PDE4D: variants seen among roughly 807,000 people sequenced by gnomAD.
The protein encoded by PDE4D is 3',5'-cyclic-AMP phosphodiesterase 4D.
In PDE4D, 24 loss-of-function variants were observed where a neutral mutation model predicts 87.4. That is an observed-to-expected ratio of 0.27 (90% CI 0.20 to 0.39). The LOEUF is 0.39. Ranked by LOEUF, PDE4D falls within the 10% of genes least tolerant of loss-of-function variation. PDE4D has a pLI of 1.00. For synonymous variants in PDE4D, 384 were observed against 383.2 expected (o/e 1.00, Z -0.02); for missense variants, 714 against 1,041.0 (o/e 0.69, Z 4.32).
At chr5:59,179,227 T>G (rs1740898008) in intron 5 of PDE4D, among the ~76,000 whole-genome samples, 1 of 152,064 alleles carries the variant, frequency 6.6e-6, no homozygotes, top group African/African-American at 2.4e-5. Flanking sequence ...CTGCCTCAGA[T>G]TCCCGAGTAG....
chr5:60,378,986 G>GC (rs1761649981), intron 1 of PDE4D, among the ~76,000 whole-genome samples: 1 of 152,134 alleles, frequency 6.6e-6, no homozygotes, highest in South Asian at 2.1e-4. Context: ...ATTTGACTGA[G>GC]CATTTACTCC....
chr5:59,121,797 G>C (rs1774545746), intron 5 of PDE4D, among the ~76,000 whole-genome samples: 1 of 152,132 alleles, frequency 6.6e-6, no homozygotes, highest in African/African-American at 2.4e-5. Context: ...ATACAGAATA[G>C]CAAAGATGGA....
chr5:59,618,134 T>C (rs1211781119), intron 1 of PDE4D, among the ~76,000 whole-genome samples: 1 of 152,054 alleles, frequency 6.6e-6, no homozygotes, highest in Non-Finnish European at 1.5e-5. Context: ...TAAAGGAACA[T>C]AAAGTTGGGT....
chr5:59,451,910 T>C (rs908023652), intron 1 of PDE4D, among the ~76,000 whole-genome samples: 3 of 152,224 alleles, frequency 2.0e-5, no homozygotes, highest in African/African-American at 7.2e-5. Context: ...CACATTCCAG[T>C]TGTCTACATC....
rs184664285 is a variant in PDE4D, at chr5:59,727,182, C to T, written c.455+165986G>A. On this transcript the variant is annotated intron_variant, in intron 1 of 14. Coordinates refer to ENST00000340635, the MANE Select transcript of PDE4D (RefSeq NM_001104631.2). ...CAACAATAGCCTCCTGACATTTTTA[C>T]TTAGAGAGACTAATTTAGCAGGCAT... 3.0e-3 allele frequency among the ~76,000 whole-genome samples: 463 copies of T among 152,224 alleles called. 2 individuals are homozygous for T. Among genetic ancestry groups the T allele is most frequent in the African/African-American group, 0.011 (452 of 41,558 alleles).
chr5:59,565,754 G>A (rs1820779099), intron 1 of PDE4D, among the ~76,000 whole-genome samples: 1 of 152,178 alleles, frequency 6.6e-6, no homozygotes, highest in Non-Finnish European at 1.5e-5. Flanking sequence ...GCTTCAGAAT[G>A]CTGAAGTGCA....
At chr5:59,215,549 A>ATG (rs1751036500) in intron 2 of PDE4D, 6 of 419,614 alleles carry the variant, frequency 1.4e-5, no homozygotes, top group Non-Finnish European at 2.5e-5. Context: ...AAATAAATAC[A>ATG]TGCGTGTGTG....
intron 1 of PDE4D, among the ~76,000 whole-genome samples, chr5:60,392,521 T>A (rs1377283091): frequency 6.6e-6 from 1 of 152,212 alleles, no homozygotes; most frequent in Non-Finnish European, 1.5e-5. Context: ...AAGAAAAATG[T>A]GCCTCATTCA....
At chr5:60,168,665 T>C (rs1783147126) in intron 2 of PDE4D, among the ~76,000 whole-genome samples, 1 of 152,222 alleles carries the variant, frequency 6.6e-6, no homozygotes, top group Admixed American at 6.5e-5. Context: ...TTGTGTACTT[T>C]AAACCACCTC....
chr5:60,024,867 G>A (rs755090905), intron 2 of PDE4D, among the ~76,000 whole-genome samples: 31 of 150,912 alleles, frequency 2.1e-4, no homozygotes, highest in Non-Finnish European at 3.4e-4. Flanking sequence ...TCTTGGTTAT[G>A]AGCAATGCTT....
intron 1 of PDE4D, among the ~76,000 whole-genome samples, chr5:60,319,673 C>T (rs1408907916): frequency 1.3e-5 from 2 of 152,060 alleles, no homozygotes; most frequent in Non-Finnish European, 2.9e-5. Context: ...TGTGGATGTC[C>T]TTTCTGTTTG....
At chr5:59,085,347 TTC>T (rs1322294353) in intron 5 of PDE4D, among the ~76,000 whole-genome samples, 2 of 152,138 alleles carry the variant, frequency 1.3e-5, no homozygotes, top group Non-Finnish European at 2.9e-5. Flanking sequence ...GTAAAACTCC[TTC>T]TCTCTCTACA....
At chr5:60,105,523 T>C (rs1339242938) in intron 2 of PDE4D, among the ~76,000 whole-genome samples, 2 of 152,018 alleles carry the variant, frequency 1.3e-5, no homozygotes, top group East Asian at 1.9e-4. Context: ...GCCACAAAGA[T>C]ACTCCTCAAG....
chr5:60,305,062 C>G (rs1289713605), intron 1 of PDE4D, among the ~76,000 whole-genome samples: 1 of 138,664 alleles, frequency 7.2e-6, no homozygotes, highest in South Asian at 2.3e-4. Flanking sequence ...CACACACACA[C>G]ACACACACAA....
intron 1 of PDE4D, among the ~76,000 whole-genome samples, chr5:59,612,079 T>C (rs2150072189): frequency 6.6e-6 from 1 of 152,320 alleles, no homozygotes; most frequent in South Asian, 2.1e-4. Flanking sequence ...CTTGAGTTTT[T>C]CTTTAGAACT....
At chr5:60,240,097 CT>C (rs968626982) in intron 1 of PDE4D, among the ~76,000 whole-genome samples, 9 of 151,998 alleles carry the variant, frequency 5.9e-5, no homozygotes, top group Admixed American at 6.6e-5. Context: ...CTTTTCAGGG[CT>C]TTCAGTTTTG....
At position 59,695,946 on chromosome 5, in the gene PDE4D, T is replaced by C. The variant is rs140413513; in HGVS notation, c.455+197222A>G. On this transcript the variant is annotated intron_variant, in intron 1 of 14. Coordinates refer to ENST00000340635, the MANE Select transcript of PDE4D (RefSeq NM_001104631.2). Reference sequence around the variant, plus strand: ...GTTAAACTGATTTCAACTCATATTATCTGGCTCAAAGTCATTCAACTCGAC... The same window carrying C: ...GTTAAACTGATTTCAACTCATATTACCTGGCTCAAAGTCATTCAACTCGAC... 1.1e-3 allele frequency among the ~76,000 whole-genome samples: 160 copies of C among 152,326 alleles called. 1 individual carries two copies. Among genetic ancestry groups the C allele is most frequent in the African/African-American group, 3.7e-3 (154 of 41,584 alleles).
chr5:59,847,818 T>C (rs1377808927), intron 1 of PDE4D, among the ~76,000 whole-genome samples: 4 of 152,124 alleles, frequency 2.6e-5, no homozygotes, highest in Non-Finnish European at 5.9e-5. Flanking sequence ...AGAAAAATCA[T>C]GGCAATGCCA....
chr5:59,724,854 C>T (rs1756370727), intron 1 of PDE4D, among the ~76,000 whole-genome samples: 1 of 151,972 alleles, frequency 6.6e-6, no homozygotes, highest in Non-Finnish European at 1.5e-5. Context: ...TGCTGAAGCC[C>T]AATACAAATA....
Sources: gnomAD v4.1 joint callset for allele counts (sites outside exome capture counted in the v4.1 genomes callset) on GRCh38, gnomAD v4.1.1 for gene constraint, MANE v1.5 for transcripts, NCBI Gene and HGNC (gene_info 2026-07-23, HGNC 2026-07-21) for gene names.